Variants in ELOVL6 observed in about 807,000 individuals in gnomAD.
ELOVL6 encodes the protein very long chain fatty acid elongase 6.
A neutral mutation model predicts 31.7 loss-of-function variants in ELOVL6; 8 were observed. The ratio of observed to expected loss-of-function variants is 0.25; its 90% CI spans 0.15 to 0.45. The LOEUF is 0.45. Among genes scored for constraint, ELOVL6 ranks in the 20% least tolerant of loss-of-function variants. The pLI, the probability that ELOVL6 is intolerant of heterozygous loss-of-function variation, is 1.00. For missense variants in ELOVL6, 126 were observed against 326.4 expected, an observed-to-expected ratio of 0.39 and a Z score of 4.73; for synonymous variants, 101 against 117.7, an observed-to-expected ratio of 0.86 and a Z score of 0.92.
At chr4:110,195,110 T>C (rs377711211) in intron 1 of ELOVL6, among the ~76,000 whole-genome samples, 1 of 152,186 alleles carries the variant, frequency 6.6e-6, no homozygotes, top group African/African-American at 2.4e-5. Flanking sequence ...CCTTCTCCTA[T>C]TAAAAAGGGA....
At chr4:110,055,488 C>A (rs1754956456) in intron 3 of ELOVL6, among the ~76,000 whole-genome samples, 1 of 152,324 alleles carries the variant, frequency 6.6e-6, no homozygotes, top group South Asian at 2.1e-4. Flanking sequence ...TTTGGTCCAA[C>A]TATTTTCATT....
intron 2 of ELOVL6, among the ~76,000 whole-genome samples, chr4:110,064,763 T>C (rs1203142515): frequency 6.6e-6 from 1 of 152,102 alleles, no homozygotes; most frequent in Non-Finnish European, 1.5e-5. Flanking sequence ...GCTGGGATTA[T>C]AGACGTGAGC....
chr4:110,157,276 G>T (rs1393274306), intron 1 of ELOVL6, among the ~76,000 whole-genome samples: 1 of 152,196 alleles, frequency 6.6e-6, no homozygotes, highest in Non-Finnish European at 1.5e-5. Context: ...TACATACAAT[G>T]TGAAGCAAAA....
chr4:110,153,554 T>C (rs140348980), intron 1 of ELOVL6, among the ~76,000 whole-genome samples: 37 of 152,186 alleles, frequency 2.4e-4, no homozygotes, highest in African/African-American at 8.4e-4. Flanking sequence ...GAAAATGCCA[T>C]GTAAAAAAAA....
At chr4:110,182,630 C>T (rs749580115) in intron 1 of ELOVL6, among the ~76,000 whole-genome samples, 24 of 152,088 alleles carry the variant, frequency 1.6e-4, no homozygotes, top group Non-Finnish European at 2.4e-4. Flanking sequence ...ACAGGGAGGC[C>T]GGGCGCGGTG....
chr4:110,073,883 A>T (rs906495192), intron 2 of ELOVL6, among the ~76,000 whole-genome samples: 4 of 152,180 alleles, frequency 2.6e-5, no homozygotes, highest in Non-Finnish European at 5.9e-5. Flanking sequence ...TTCTTGTTCT[A>T]TTCTTTTCCC....
intron 1 of ELOVL6, among the ~76,000 whole-genome samples, chr4:110,186,212 A>G (rs772940349): frequency 3.9e-5 from 6 of 151,998 alleles, no homozygotes; most frequent in Non-Finnish European, 8.8e-5. Flanking sequence ...GACAAAACAA[A>G]AACAAAAACA....
intron 1 of ELOVL6, among the ~76,000 whole-genome samples, chr4:110,183,662 T>G (rs1411835803): frequency 1.3e-5 from 2 of 152,208 alleles, no homozygotes; most frequent in African/African-American, 4.8e-5. Flanking sequence ...TTTTTCTTCT[T>G]GTGCATACAA....
intron 1 of ELOVL6, among the ~76,000 whole-genome samples, chr4:110,135,049 G>A (rs1372662892): frequency 6.6e-6 from 1 of 152,148 alleles, no homozygotes; most frequent in Admixed American, 6.6e-5. Context: ...TTCCTTTTAT[G>A]TATATCACTA....
chr4:110,122,798 C>T (rs148209271), intron 1 of ELOVL6, among the ~76,000 whole-genome samples: 7 of 152,202 alleles, frequency 4.6e-5, no homozygotes, highest in African/African-American at 1.2e-4. Flanking sequence ...AAAGACATCA[C>T]GCCCCTTTGT....
intron 1 of ELOVL6, among the ~76,000 whole-genome samples, chr4:110,159,053 A>G (rs1281327181): frequency 2.0e-5 from 3 of 152,104 alleles, no homozygotes; most frequent in Admixed American, 1.3e-4. Flanking sequence ...CTTTTTATCA[A>G]TTTTAATCAC....
chr4:110,114,963 T>C (rs561264227), intron 1 of ELOVL6, among the ~76,000 whole-genome samples: 4 of 152,294 alleles, frequency 2.6e-5, no homozygotes, highest in South Asian at 2.1e-4. Flanking sequence ...CTGACATTTA[T>C]ATCAAAGGAG....
chr4:110,142,949 C>T (rs1272108356), intron 1 of ELOVL6, among the ~76,000 whole-genome samples: 1 of 152,222 alleles, frequency 6.6e-6, no homozygotes, highest in Non-Finnish European at 1.5e-5. Flanking sequence ...CAATTCCCCT[C>T]TCCCGTCCCT....
chr4:110,164,048 CT>C (rs1185463273), intron 1 of ELOVL6, among the ~76,000 whole-genome samples: 5 of 152,232 alleles, frequency 3.3e-5, no homozygotes, highest in African/African-American at 1.2e-4. Flanking sequence ...ACTAAAATAT[CT>C]GCTGAGAGTC....
chr4:110,084,245 T>TATG (rs1756089285), intron 2 of ELOVL6, among the ~76,000 whole-genome samples: 2 of 134,246 alleles, frequency 1.5e-5, no homozygotes, highest in African/African-American at 2.8e-5. Flanking sequence ...ACATATATGA[T>TATG]ATATATAACA....
At chr4:110,198,049 C>T in intron 1 of ELOVL6, 198 bp downstream of exon 1, 2 of 622,196 alleles carry the variant, frequency 3.2e-6, no homozygotes, top group Non-Finnish European at 5.7e-6. Context: ...CACACAGGGG[C>T]ACCCACAGAC....
At chr4:110,141,157 G>A (rs1052277034) in intron 1 of ELOVL6, among the ~76,000 whole-genome samples, 5 of 152,022 alleles carry the variant, frequency 3.3e-5, no homozygotes, top group Non-Finnish European at 4.4e-5. Context: ...TCTGCCTCCC[G>A]GGTTCAAGTG....
At chr4:110,196,800 G>A (rs1422055706) in intron 1 of ELOVL6, among the ~76,000 whole-genome samples, 1 of 152,040 alleles carries the variant, frequency 6.6e-6, no homozygotes, top group African/African-American at 2.4e-5. Flanking sequence ...CCCAGGAGGC[G>A]GGCTCCGCCC....
Position 110,051,755 on chromosome 4 carries a change from T to C in ELOVL6, c.381A>G (p.Thr127=), listed in dbSNP as rs1177697520. 2.5e-6 allele frequency: 4 copies of C among 1,611,926 alleles called. No individual in the cohort carries two copies. Among genetic ancestry groups the C allele is most frequent in the East Asian group, 2.2e-5 (1 of 44,798 alleles). Residue 127 remains threonine, a synonymous_variant, in exon 4 of 4, where the codon ACA becomes ACG. Transcript: ENST00000302274. The surrounding 1 kb of genome is among the most constrained non-coding windows in gnomAD (Gnocchi z 4.8). The part of the protein sequence containing the change: ...VLSKAPELGD[T]IFIILRKQKL... The stretch of plus-strand genomic sequence containing the variant: ...TCTGCTTCCTCAGAATAATGAATAT[T>C]GTATCTCCTGGAAGACAAAGAGGAA...
Sources: gnomAD v4.1 joint callset for allele counts (sites outside exome capture counted in the v4.1 genomes callset) on GRCh38, gnomAD v4.1.1 for gene constraint, Gnocchi (gnomAD v3.1) non-coding constraint, MANE v1.5 for transcripts, NCBI Gene and HGNC (gene_info 2026-07-23, HGNC 2026-07-21) for gene names.